The following E2F3 variants were observed in gnomAD, a reference collection of about 807,000 sequenced individuals.
E2F3 encodes transcription factor E2F3.
Under a neutral mutation model 44.4 loss-of-function variants are expected in E2F3, and 11 were observed. The observed-to-expected ratio is 0.25, with a 90% CI of 0.16 to 0.41. E2F3 has a LOEUF of 0.41. Ranked by LOEUF, E2F3 falls within the 10% of genes least tolerant of loss-of-function variation. E2F3 has a pLI of 1.00. For synonymous variants in E2F3, 249 were observed against 253.0 expected (o/e 0.98, Z 0.15); for missense variants, 487 against 583.6 (o/e 0.83, Z 1.70).
At position 20,402,442 on chromosome 6, in the gene E2F3, T is replaced by C. The variant is rs2127581329; in HGVS notation, c.210T>C (p.Cys70=). 6.2e-7 allele frequency: 1 copy of C among 1,607,820 alleles called. No homozygotes were observed. The highest frequency in any genetic ancestry group is 1.7e-4 in the Middle Eastern group (1 of 6,044). The change falls in exon 1 of 7, where the codon TGT becomes TGC. Residue 70 remains cysteine, a synonymous_variant. Coordinates refer to ENST00000346618, the MANE Select transcript of E2F3 (RefSeq NM_001949.5). The surrounding 1 kb of genome is among the most constrained non-coding windows in gnomAD (Gnocchi z 5.6). ...ILTTNTSTTS[C]SSSLQSGAVA... ...CCACGAACACTTCCACCACCTCCTG[T>C]TCCTCCTCCCTCCAAAGCGGCGCCG... is the stretch of plus-strand genomic sequence containing the variant.
At chr6:20,412,632 G>T (rs1759713287) in intron 1 of E2F3, among the ~76,000 whole-genome samples, 1 of 152,120 alleles carries the variant, frequency 6.6e-6, no homozygotes, top group South Asian at 2.1e-4. Context: ...TGGGAAGTTT[G>T]AGTGGTGTGG....
chr6:20,469,263 T>TG (rs1237237751), intron 1 of E2F3, among the ~76,000 whole-genome samples: 1 of 152,174 alleles, frequency 6.6e-6, no homozygotes, highest in Non-Finnish European at 1.5e-5. Flanking sequence ...ATGTAACTAT[T>TG]GGGGGGAAAT....
At chr6:20,482,620 A>G (rs4134941) in intron 3 of E2F3, 142 bp from the exon 4 acceptor site, 43,075 of 293,070 alleles carry the variant, frequency 0.15, 4,390 homozygotes, top group Middle Eastern at 0.19. Flanking sequence ...ATATATATAT[A>G]TGTGTAAATG....
chr6:20,467,150 A>T (rs536971163), intron 1 of E2F3, among the ~76,000 whole-genome samples: 104 of 152,306 alleles, frequency 6.8e-4, no homozygotes, highest in African/African-American at 2.1e-3. Context: ...AGTACATCTC[A>T]TAAGGCTTCT....
intron 1 of E2F3, among the ~76,000 whole-genome samples, chr6:20,472,025 A>AACACAACACACAC (rs1554140448): frequency 7.2e-6 from 1 of 138,358 alleles, no homozygotes; most frequent in African/African-American, 2.7e-5. Context: ...CCCCCCCTCC[A>AACACAACACACAC]ACACACACAC....
intron 1 of E2F3, among the ~76,000 whole-genome samples, chr6:20,446,949 A>T (rs1239121852): frequency 6.6e-6 from 1 of 152,200 alleles, no homozygotes; most frequent in Non-Finnish European, 1.5e-5. Context: ...AGTCTTAATA[A>T]CAAAAAGCAC....
intron 1 of E2F3, among the ~76,000 whole-genome samples, chr6:20,448,926 A>G (rs1329368079): frequency 1.3e-5 from 2 of 152,204 alleles, no homozygotes; most frequent in Non-Finnish European, 2.9e-5. Context: ...ATGATCCAGT[A>G]AAACTAAAAG....
chr6:20,405,061 G>T (rs376904841), intron 1 of E2F3, among the ~76,000 whole-genome samples: 1 of 152,118 alleles, frequency 6.6e-6, no homozygotes, highest in Admixed American at 6.5e-5. Flanking sequence ...AACAGTGTTT[G>T]TTGGGCCAGG....
At chr6:20,474,249 C>A (rs906178998) in intron 1 of E2F3, among the ~76,000 whole-genome samples, 5 of 152,184 alleles carry the variant, frequency 3.3e-5, no homozygotes, top group East Asian at 1.9e-4. Flanking sequence ...TAACTACATA[C>A]ATTTTCCTAC....
chr6:20,436,410 A>C (rs917914683), intron 1 of E2F3, among the ~76,000 whole-genome samples: 1 of 152,274 alleles, frequency 6.6e-6, no homozygotes, highest in African/African-American at 2.4e-5. Context: ...CTTGGGCCAC[A>C]CATAAAATAC....
intron 1 of E2F3, among the ~76,000 whole-genome samples, chr6:20,442,585 T>C (rs1180333826): frequency 1.3e-5 from 2 of 152,256 alleles, no homozygotes; most frequent in Non-Finnish European, 2.9e-5. Context: ...ATATGTTGTG[T>C]GTATATTTAT....
intron 1 of E2F3, among the ~76,000 whole-genome samples, chr6:20,432,305 GC>G (rs1760431478): frequency 6.6e-6 from 1 of 152,220 alleles, no homozygotes; most frequent in Non-Finnish European, 1.5e-5. Flanking sequence ...GAACATGGAG[GC>G]CATGGTGTTC....
chr6:20,435,140 A>G (rs1760532320), intron 1 of E2F3, among the ~76,000 whole-genome samples: 1 of 152,172 alleles, frequency 6.6e-6, no homozygotes, highest in Non-Finnish European at 1.5e-5. Flanking sequence ...TTAGTGGTAT[A>G]TCCATTTTAC....
At chr6:20,461,832 T>G (rs1348105214) in intron 1 of E2F3, among the ~76,000 whole-genome samples, 4 of 152,236 alleles carry the variant, frequency 2.6e-5, no homozygotes, top group African/African-American at 9.6e-5. Flanking sequence ...TGGTTTTCAC[T>G]AAATATTGAT....
chr6:20,440,958 G>C (rs1006805643), intron 1 of E2F3, among the ~76,000 whole-genome samples: 3 of 152,152 alleles, frequency 2.0e-5, no homozygotes, highest in African/African-American at 7.2e-5. Flanking sequence ...CCAAAATCCA[G>C]TGTGGCAGAT....
intron 1 of E2F3, among the ~76,000 whole-genome samples, chr6:20,473,174 C>A (rs1761946101): frequency 1.3e-5 from 2 of 152,154 alleles, no homozygotes; most frequent in Non-Finnish European, 2.9e-5. Context: ...TTACCATATA[C>A]ATTTATTATA....
At position 20,436,992 on chromosome 6, in the gene E2F3, T is replaced by C. The variant is rs376111015; in HGVS notation, c.393+34367T>C. ...AAAATTAGCCAGGTGTGGTGGCATG[T>C]ACCTGTAATCCCAGCTATTTGGGAG... On this transcript the variant is annotated intron_variant, in intron 1 of 6. Transcript: ENST00000346618. Among the ~76,000 whole-genome samples, 14 of 152,240 alleles carry C rather than the reference T, an allele frequency of 9.2e-5. No individual in the cohort carries two copies. In the East Asian group the frequency reaches 2.3e-3, roughly 25 times the overall value.
At chr6:20,424,211 GT>G (rs1561853830) in intron 1 of E2F3, among the ~76,000 whole-genome samples, 6 of 4,032 alleles carry the variant, frequency 1.5e-3, no homozygotes, top group Non-Finnish European at 3.5e-3. Flanking sequence ...CAGTGGAAGG[GT>G]GTGTGTGTGT....
intron 1 of E2F3, among the ~76,000 whole-genome samples, chr6:20,462,084 T>A (rs1303454018): frequency 6.6e-6 from 1 of 152,212 alleles, no homozygotes; most frequent in Admixed American, 6.5e-5. Context: ...TTCTCTTGGG[T>A]TATATGTTCT....
Sources: gnomAD v4.1 joint callset for allele counts (sites outside exome capture counted in the v4.1 genomes callset) on GRCh38, gnomAD v4.1.1 for gene constraint, Gnocchi (gnomAD v3.1) non-coding constraint, MANE v1.5 for transcripts, NCBI Gene and HGNC (gene_info 2026-07-23, HGNC 2026-07-21) for gene names.